Variants in DYNC1H1 observed in about 807,000 individuals in gnomAD.
DYNC1H1 encodes the protein cytoplasmic dynein 1 heavy chain 1.
A neutral mutation model predicts 527.1 loss-of-function variants in DYNC1H1; 51 were observed. The ratio of observed to expected loss-of-function variants is 0.10; its 90% CI spans 0.08 to 0.12. The LOEUF (loss-of-function observed/expected upper bound fraction) is 0.12, where lower values mean the gene tolerates loss of function less well. Among genes scored for constraint, DYNC1H1 ranks in the 10% least tolerant of loss-of-function variants. The pLI is 1.00. For synonymous variants in DYNC1H1, 2,189 were observed against 2,278.8 expected (o/e 0.96, Z 1.12); for missense variants, 2,771 against 5,971.8 (o/e 0.46, Z 17.66).
At chr14:102,043,691 A>G in intron 69 of DYNC1H1, 184 bp from the exon 70 acceptor site, 1 of 704,702 alleles carries the variant, frequency 1.4e-6, no homozygotes, top group Non-Finnish European at 2.4e-6. Flanking sequence ...GTCTCATTGG[A>G]TGACACGTCT....
At position 102,049,966 on chromosome 14, in the gene DYNC1H1, A is replaced by C; in HGVS notation, c.13684+84A>C. 3 of 1,485,284 alleles carry C rather than the reference A, an allele frequency of 2.0e-6. No individual in the cohort carries two copies. The highest frequency in any genetic ancestry group is 2.7e-6 in the Non-Finnish European group (3 of 1,112,622). The allele number at this position is 1,485,284 out of a possible 1,614,324, so 92.0% of individuals were successfully genotyped here. ...CCATTGTTCCCAGATACATGCACTT[A>C]GGGTGACCGGCTGGCAGTTGGGTGG... On this transcript the variant is annotated intron_variant, in intron 76 of 77. Coordinates refer to ENST00000360184, the MANE Select transcript of DYNC1H1 (RefSeq NM_001376.5). The surrounding 1 kb of genome is among the most constrained non-coding windows in gnomAD (Gnocchi z 5.5).
intron 1 of DYNC1H1, among the ~76,000 whole-genome samples, chr14:101,968,441 C>T (rs2047693031): frequency 6.6e-6 from 1 of 151,988 alleles, no homozygotes; most frequent in African/African-American, 2.4e-5. Context: ...ACCATGTTGC[C>T]CAGGCTGGTC....
In DYNC1H1 at chr14:102,027,969, C is replaced by G. The variant is rs1239847993; in HGVS notation, c.9296C>G (p.Thr3099Ser). The G allele has an allele frequency of 1.2e-6, 2 of 1,614,142 alleles. No individual in the cohort carries two copies. Among genetic ancestry groups the G allele is most frequent in the Admixed American group, 3.3e-5 (2 of 60,014 alleles). Residue 3099 changes from threonine to serine, a missense_variant, in exon 48 of 78, where the codon ACC becomes AGC. Thr to Ser is a moderately conservative substitution (Grantham distance 58, BLOSUM62 1). Coordinates refer to ENST00000360184, the MANE Select transcript of DYNC1H1 (RefSeq NM_001376.5). This position sits in a 1 kb window ranked among gnomAD's most constrained non-coding sequence, Gnocchi z 7.7. ...TTGAATTGGTTTGGAGACTGGTCCA[C>G]CGAAGCACTGTATCAGGTTGGCAAA... ...CVLNWFGDWS[T>S]EALYQVGKEF...
intron 11 of DYNC1H1, 58 bp downstream of exon 11, chr14:101,991,731 G>C: frequency 6.2e-7 from 1 of 1,605,402 alleles, no homozygotes; most frequent in Non-Finnish European, 8.5e-7. Flanking sequence ...TGGGCTCTGT[G>C]ATACCACTTC....
intron 57 of DYNC1H1, chr14:102,037,150 G>GCC (rs2048586123): frequency 5.6e-6 from 1 of 178,306 alleles, no homozygotes; most frequent in African/African-American, 2.4e-5. Flanking sequence ...AAACAGCCAG[G>GCC]CGTGGTGGCT....
At chr14:102,006,347 G>C (rs766159377) in intron 27 of DYNC1H1, among the ~76,000 whole-genome samples, 177 bp downstream of exon 27, 2 of 152,020 alleles carry the variant, frequency 1.3e-5, no homozygotes, top group African/African-American at 2.4e-5. Flanking sequence ...CCATTCTCCT[G>C]CCTCAGCCTC....
At chr14:101,998,879 C>CTTTTTTTTTTGTTTTTTTTTTTTGTTTT (rs1470140199) in intron 16 of DYNC1H1, among the ~76,000 whole-genome samples, 1 of 115,220 alleles carries the variant, frequency 8.7e-6, no homozygotes, top group African/African-American at 3.8e-5. Flanking sequence ...AAAACTTTTT[C>CTTTTTTTTTTGTTTTTTTTTTTTGTTTT]TTTTTTTTTT....
At chr14:101,973,817 T>A (rs528547353) in intron 1 of DYNC1H1, among the ~76,000 whole-genome samples, 50 of 152,180 alleles carry the variant, frequency 3.3e-4, no homozygotes, top group Non-Finnish European at 6.0e-4. Flanking sequence ...ATAAATAAAT[T>A]AATTAATTAA....
chr14:101,965,806 T>C lies in DYNC1H1; in HGVS notation c.256+859T>C, dbSNP rs1305561989. Among the ~76,000 whole-genome samples the C allele has an allele frequency of 6.9e-6, 1 of 144,704 alleles. No homozygotes were observed. Among genetic ancestry groups the C allele is most frequent in the South Asian group, 2.2e-4 (1 of 4,584 alleles). 94.9% of individuals were successfully genotyped at this position (144,704 alleles called of 152,430 possible). A position where few individuals can be genotyped will look rare whatever the true frequency, so the allele number is the denominator to read the frequency against. ...ATAACCCTGTAATATTTGAGTCTAA[T>C]TTTACAGATTAAAAAAAAAAAAAAA... On this transcript the variant is annotated intron_variant, in intron 1 of 77. Transcript: ENST00000360184. The surrounding 1 kb of genome is among the most constrained non-coding windows in gnomAD (Gnocchi z 4.1).
Position 102,033,822 on chromosome 14 carries a change from T to C in DYNC1H1, c.10414-154T>C. On this transcript the variant is annotated intron_variant, in intron 54 of 77. Coordinates refer to ENST00000360184, the MANE Select transcript of DYNC1H1 (RefSeq NM_001376.5). This position sits in a 1 kb window ranked among gnomAD's most constrained non-coding sequence, Gnocchi z 5.6. The stretch of plus-strand genomic sequence containing the variant: ...GTGTGTGGTCATTAGTTATATATGA[T>C]CTGGGTCTCATCTCCTCTGGGACTG... 1 of 802,128 alleles carries C rather than the reference T, an allele frequency of 1.2e-6. No individual in the cohort carries two copies. 49.7% of individuals were successfully genotyped at this position (802,128 alleles called of 1,614,324 possible).
In DYNC1H1 at chr14:101,997,807, G is replaced by C. The variant is rs1310483991; in HGVS notation, c.3804+533G>C. ...CCTTGTTCTAGGTCATTGAGATATA[G>C]CAGTGAGTGAAAAGGACAAGAGCCT... On this transcript the variant is annotated intron_variant, in intron 16 of 77. Transcript: ENST00000360184. The surrounding 1 kb of genome is among the most constrained non-coding windows in gnomAD (Gnocchi z 4.8). 6.6e-6 allele frequency among the ~76,000 whole-genome samples: 1 copy of C among 152,224 alleles called. No homozygotes were observed. The highest frequency in any genetic ancestry group is 2.4e-5 in the African/African-American group (1 of 41,458).
At position 102,047,929 on chromosome 14, in the gene DYNC1H1, C is replaced by G; in HGVS notation, c.13119C>G (p.Arg4373=). 1 of 1,613,450 alleles carries G rather than the reference C, an allele frequency of 6.2e-7. No homozygotes were observed. The change falls in exon 73 of 78, where the codon CGC becomes CGG. Residue 4373 remains arginine (R), a synonymous_variant. Transcript: ENST00000360184. ...KTRTDSTSDG[R]PAWMRTLHTT... is the part of the protein sequence containing the mutation. The stretch of plus-strand genomic sequence containing the variant: ...GGACAGACTCCACGTCCGACGGGCG[C>G]CCTGCCTGGATGCGGACACTGCACA...
In DYNC1H1 at chr14:102,049,053, G is replaced by A; in HGVS notation, c.13372+384G>A. On this transcript the variant is annotated intron_variant, in intron 74 of 77. Transcript: ENST00000360184. The surrounding 1 kb of genome is among the most constrained non-coding windows in gnomAD (Gnocchi z 5.5). ...AAGCAGGGGCAGGCGGGCATGGGGG[G>A]CTCATCCAAAGTTGTGGGGAGCCCC... The A allele has an allele frequency of 4.7e-6, 2 of 426,034 alleles. No individual in the cohort carries two copies. Among genetic ancestry groups the A allele is most frequent in the South Asian group, 4.3e-5 (2 of 47,008 alleles). The allele number at this position is 426,034 out of a possible 1,614,324, so 26.4% of individuals were successfully genotyped here. A position where few individuals can be genotyped will look rare whatever the true frequency, so the allele number is the denominator to read the frequency against.
At chr14:101,982,671 C>T (rs1282744752) in intron 5 of DYNC1H1, among the ~76,000 whole-genome samples, 1 of 147,430 alleles carries the variant, frequency 6.8e-6, no homozygotes, top group East Asian at 2.0e-4. Context: ...ACCCCCCCAC[C>T]ACCCCCCAAC....
chr14:101,987,111 G>A lies in DYNC1H1; in HGVS notation c.2539-342G>A, dbSNP rs575927853. 6.6e-5 allele frequency among the ~76,000 whole-genome samples: 10 copies of A among 152,342 alleles called. No homozygotes were observed. The South Asian group carries it at 8.3e-4, about 13-fold the overall frequency. ...TTACCCAGAGCCTGCGGCTGCCAGC[G>A]GACCAGATGCATACGACAGCGAGGC... On this transcript the variant is annotated intron_variant, in intron 8 of 77. Transcript: ENST00000360184.
In DYNC1H1 at chr14:102,049,823, A is replaced by G. The variant is rs1259892532; in HGVS notation, c.13625A>G (p.Glu4542Gly). 5.0e-6 allele frequency: 8 copies of G among 1,613,716 alleles called. No homozygotes were observed. The East Asian group carries it at 6.7e-5, about 13-fold the overall frequency. The change falls in exon 76 of 78, where the codon GAA (glutamate) becomes GGA (glycine). Residue 4542 changes from glutamate (E) to glycine (G), a missense_variant. Coordinates refer to ENST00000360184, the MANE Select transcript of DYNC1H1 (RefSeq NM_001376.5). The surrounding 1 kb of genome is among the most constrained non-coding windows in gnomAD (Gnocchi z 5.5). ...TGGTCCCTGGAGGAGCTCTGCCTGG[A>G]AGTCAACGTCACCACCTCACAGGGC... ...NSWSLEELCL[E>G]VNVTTSQGAT...
intron 15 of DYNC1H1, among the ~76,000 whole-genome samples, chr14:101,995,748 C>G (rs1481673261): frequency 6.6e-6 from 1 of 151,978 alleles, no homozygotes; most frequent in African/African-American, 2.4e-5. Context: ...TCTGTTACAA[C>G]AGCCTGATGT....
intron 2 of DYNC1H1, among the ~76,000 whole-genome samples, chr14:101,977,475 G>A (rs1566995601): frequency 6.6e-6 from 1 of 152,132 alleles, no homozygotes; most frequent in Non-Finnish European, 1.5e-5. Context: ...ATACTTGTGT[G>A]TATTTCCTAA....
rs777057124 is a variant in DYNC1H1 at position 102,018,300 on chromosome 14, G to A, written c.8178-151G>A. On this transcript the variant is annotated intron_variant, in intron 40 of 77. Coordinates refer to ENST00000360184, the MANE Select transcript of DYNC1H1 (RefSeq NM_001376.5). This position sits in a 1 kb window ranked among gnomAD's most constrained non-coding sequence, Gnocchi z 5.2. ...CCCCAAGCCTGAGCAGCGTGTGTGT[G>A]ATCTCAGCTAACACTGATGTCAAGT... is the stretch of plus-strand genomic sequence containing the variant. The A allele has an allele frequency of 9.3e-7, 1 of 1,074,128 alleles. No individual in the cohort carries two copies. The highest frequency in any genetic ancestry group is 1.6e-5 in the African/African-American group (1 of 64,248). The allele number at this position is 1,074,128 out of a possible 1,614,324, so 66.5% of individuals were successfully genotyped here. A position where few individuals can be genotyped will look rare whatever the true frequency, so the allele number is the denominator to read the frequency against.
Sources: gnomAD v4.1 joint callset for allele counts (sites outside exome capture counted in the v4.1 genomes callset) on GRCh38, gnomAD v4.1.1 for gene constraint, Gnocchi (gnomAD v3.1) non-coding constraint, MANE v1.5 for transcripts, NCBI Gene and HGNC (gene_info 2026-07-23, HGNC 2026-07-21) for gene names.